Variants in TM9SF3 observed in about 807,000 individuals in gnomAD.
TM9SF3 encodes SM-11044-binding protein.
Under a neutral mutation model 78.6 loss-of-function variants are expected in TM9SF3, and 14 were observed. The ratio of observed to expected loss-of-function variants is 0.18; its 90% confidence interval spans 0.12 to 0.28. TM9SF3 has a LOEUF of 0.28. TM9SF3 is among the 10% of genes least tolerant of loss of function. The probability of loss-of-function intolerance (pLI) is 1.00; values close to 1 mark genes in which losing one functional copy is unlikely to be tolerated. For synonymous variants in TM9SF3, 231 were observed against 241.7 expected (o/e 0.96, Z 0.41); for missense variants, 496 against 721.9 (o/e 0.69, Z 3.59).
At chr10:96,528,489 G>A (rs987270209) in intron 11 of TM9SF3, among the ~76,000 whole-genome samples, 8 of 152,000 alleles carry the variant, frequency 5.3e-5, no homozygotes, top group South Asian at 4.1e-4. Flanking sequence ...TAAAAAATCC[G>A]TATTTGTATC....
In TM9SF3 at chr10:96,521,265, T is replaced by G. The variant is rs990339564; in HGVS notation, c.*998A>C. 3 of 185,840 alleles carry G rather than the reference T, an allele frequency of 1.6e-5. No individual in the cohort carries two copies. The highest frequency in any genetic ancestry group is 3.3e-5 in the Non-Finnish European group (3 of 90,168). 11.5% of individuals were successfully genotyped at this position (185,840 alleles called of 1,614,324 possible). A position where few individuals can be genotyped will look rare whatever the true frequency, so the allele number is the denominator to read the frequency against. ...CAATCATCATAAGAAAAAAGTACTCTGTAGTCGATCTGTACATCCAAATGC... is the reference window on the plus strand; with the variant it reads ...CAATCATCATAAGAAAAAAGTACTCGGTAGTCGATCTGTACATCCAAATGC... On this transcript the variant is annotated 3_prime_UTR_variant, in exon 15 of 15. Coordinates refer to ENST00000371142, the MANE Select transcript of TM9SF3 (RefSeq NM_020123.4).
chr10:96,553,743 T>C (rs912790747), intron 5 of TM9SF3, among the ~76,000 whole-genome samples: 7 of 152,340 alleles, frequency 4.6e-5, no homozygotes, highest in Admixed American at 2.6e-4. Flanking sequence ...AGTTCCTCAA[T>C]GTTCTTGAAG....
At chr10:96,563,312 C>G (rs558682883) in intron 3 of TM9SF3, among the ~76,000 whole-genome samples, 1 of 152,102 alleles carries the variant, frequency 6.6e-6, no homozygotes, top group South Asian at 2.1e-4. Flanking sequence ...CTGGCCTTAG[C>G]TTCTCAAAGT....
chr10:96,578,003 T>A (rs1318968984), intron 1 of TM9SF3, among the ~76,000 whole-genome samples: 1 of 152,214 alleles, frequency 6.6e-6, no homozygotes, highest in African/African-American at 2.4e-5. Context: ...CAGCTTCATT[T>A]TTCTAATGGT....
At chr10:96,533,669 G>A (rs1847922269) in intron 9 of TM9SF3, among the ~76,000 whole-genome samples, 3 of 152,130 alleles carry the variant, frequency 2.0e-5, no homozygotes, top group Admixed American at 2.0e-4. Flanking sequence ...ATAGCTAGTG[G>A]AGAGCCAGAC....
At chr10:96,586,369 G>A (rs1436573730) in intron 1 of TM9SF3, among the ~76,000 whole-genome samples, 1 of 152,108 alleles carries the variant, frequency 6.6e-6, no homozygotes, top group African/African-American at 2.4e-5. Context: ...TCCCTGGGGG[G>A]CAAAAGCCCC....
chr10:96,568,038 C>T (rs1051910343), intron 2 of TM9SF3, among the ~76,000 whole-genome samples: 6 of 152,074 alleles, frequency 3.9e-5, no homozygotes, highest in African/African-American at 9.7e-5. Flanking sequence ...AGTCTAGAAA[C>T]GAAGCATGTT....
chr10:96,541,843 G>C (rs1269648745), intron 9 of TM9SF3, among the ~76,000 whole-genome samples: 1 of 152,224 alleles, frequency 6.6e-6, no homozygotes, highest in Non-Finnish European at 1.5e-5. Flanking sequence ...AAGGTATTCA[G>C]TTAGTAGTGG....
rs1847786043 is a variant in TM9SF3 at position 96,522,263 on chromosome 10, C to CT, written c.1769dup (p.Ter590=). ...RKIYTNVKID[*] ...CAAAGTTCCAGGTTTTCTTGGGTCT[C>CT]TAGTCAATTTTCACATTAGTATAGA... is the stretch of plus-strand genomic sequence containing the variant. The change falls in exon 15 of 15, where the codon TAG becomes TAAG. Residue 590 remains the stop codon, a frameshift_variant and stop_retained_variant. Coordinates refer to ENST00000371142, the MANE Select transcript of TM9SF3 (RefSeq NM_020123.4). LOFTEE classifies it high-confidence loss of function. The CT allele has an allele frequency of 2.5e-6, 4 of 1,599,262 alleles. No homozygotes were observed. The highest frequency in any genetic ancestry group is 2.3e-5 in the East Asian group (1 of 44,292).
chr10:96,563,201 G>T (rs1021184890), intron 3 of TM9SF3, among the ~76,000 whole-genome samples: 1 of 152,028 alleles, frequency 6.6e-6, no homozygotes, highest in Admixed American at 6.6e-5. Flanking sequence ...TCAGCCTCTA[G>T]AGTAGTTAGG....
intron 9 of TM9SF3, among the ~76,000 whole-genome samples, chr10:96,540,352 G>T (rs1321579051): frequency 6.6e-6 from 1 of 152,038 alleles, no homozygotes. Flanking sequence ...AAGTAAATTT[G>T]CCCATCCAGT....
At chr10:96,545,019 T>A (rs1848080392) in intron 8 of TM9SF3, among the ~76,000 whole-genome samples, 1 of 152,208 alleles carries the variant, frequency 6.6e-6, no homozygotes, top group Non-Finnish European at 1.5e-5. Flanking sequence ...TAAGTTTTAC[T>A]ATTTCTCTGT....
chr10:96,561,819 C>CA (rs1848311467), intron 4 of TM9SF3, among the ~76,000 whole-genome samples, 159 bp downstream of exon 4: 1 of 152,198 alleles, frequency 6.6e-6, no homozygotes, highest in African/African-American at 2.4e-5. Context: ...TCTTTGCTTT[C>CA]AGGAGGCTTA....
At chr10:96,540,778 T>TTTC in intron 9 of TM9SF3, among the ~76,000 whole-genome samples, 1 of 128,356 alleles carries the variant, frequency 7.8e-6, no homozygotes, top group Non-Finnish European at 1.6e-5. Flanking sequence ...TCTTTTTTTT[T>TTTC]TTTTTTTTTT....
intron 2 of TM9SF3, among the ~76,000 whole-genome samples, chr10:96,565,657 T>TTC (rs1365683840): frequency 3.3e-5 from 5 of 152,074 alleles, no homozygotes; most frequent in Non-Finnish European, 7.4e-5. Context: ...TTTCAAACAT[T>TTC]ACCTAAGTGA....
rs1847755564 is a variant in TM9SF3, at chr10:96,520,667, A to G, written c.*1596T>C. 1 of 384,142 alleles carries G rather than the reference A, an allele frequency of 2.6e-6. No homozygotes were observed. The highest frequency in any genetic ancestry group is 4.6e-6 in the Non-Finnish European group (1 of 216,268). The allele number at this position is 384,142 out of a possible 1,614,324, so 23.8% of individuals were successfully genotyped here. A position where few individuals can be genotyped will look rare whatever the true frequency, so the allele number is the denominator to read the frequency against. On this transcript the variant is annotated 3_prime_UTR_variant, in exon 15 of 15. Coordinates refer to ENST00000371142, the MANE Select transcript of TM9SF3 (RefSeq NM_020123.4). ...GAATAGTTCCAGAAAAATGTATTCA[A>G]ATCACTTCTCTTACAAAACTGTAAC...
chr10:96,559,601 T>C (rs533360706), intron 5 of TM9SF3, 58 bp downstream of exon 5: 10 of 1,234,894 alleles, frequency 8.1e-6, no homozygotes, highest in African/African-American at 3.0e-5. Flanking sequence ...AGATACTCAA[T>C]GTTTGTTGAA....
chr10:96,560,079 C>A, intron 4 of TM9SF3: 2 of 590,074 alleles, frequency 3.4e-6, no homozygotes, highest in Non-Finnish European at 6.1e-6. Flanking sequence ...AAATAAGAAT[C>A]TGTACATCTG....
chr10:96,540,769 C>CTTTTTTTTTTTTTTTT lies in TM9SF3; in HGVS notation c.1185+3291_1185+3306dup, dbSNP rs68126103. On this transcript the variant is annotated intron_variant, in intron 9 of 14. Coordinates refer to ENST00000371142, the MANE Select transcript of TM9SF3 (RefSeq NM_020123.4). ...CTAACATTGGTTTTATATTACCTTT[C>CTTTTTTTTTTTTTTTT]TTTTTTTTTTTTTTTTTTTTTTTTT... Among the ~76,000 whole-genome samples the CTTTTTTTTTTTTTTTT allele has an allele frequency of 5.8e-5, 3 of 51,328 alleles. 1 individual carries two copies. The highest frequency in any genetic ancestry group is 1.6e-4 in the African/African-American group (2 of 12,232). 33.7% of individuals were successfully genotyped at this position (51,328 alleles called of 152,430 possible). A position where few individuals can be genotyped will look rare whatever the true frequency, so the allele number is the denominator to read the frequency against.
Sources: gnomAD v4.1 joint callset for allele counts (sites outside exome capture counted in the v4.1 genomes callset) on GRCh38, gnomAD v4.1.1 for gene constraint, MANE v1.5 for transcripts, NCBI Gene and HGNC (gene_info 2026-07-23, HGNC 2026-07-21) for gene names.